Variants in GSK3B observed in about 807,000 individuals in gnomAD.
GSK3B encodes the protein glycogen synthase kinase-3 beta.
A neutral mutation model predicts 56.4 loss-of-function variants in GSK3B; 15 were observed. That is an observed-to-expected ratio of 0.27 (90% confidence interval 0.18 to 0.41). GSK3B has a LOEUF of 0.41. Among genes scored for constraint, GSK3B ranks in the 10% least tolerant of loss-of-function variants. GSK3B has a pLI of 1.00. For synonymous variants in GSK3B, 181 were observed against 188.9 expected, an observed-to-expected ratio of 0.96 and a Z score of 0.34; for missense variants, 300 against 513.4, an observed-to-expected ratio of 0.58 and a Z score of 4.02.
chr3:119,962,023 C>G (rs1209478760), intron 2 of GSK3B, among the ~76,000 whole-genome samples: 1 of 152,142 alleles, frequency 6.6e-6, no homozygotes, highest in African/African-American at 2.4e-5. Context: ...ACATTTTTAA[C>G]TTACAATGAG....
intron 1 of GSK3B, among the ~76,000 whole-genome samples, chr3:120,028,535 T>C (rs2107518556): frequency 6.6e-6 from 1 of 152,320 alleles, no homozygotes; most frequent in African/African-American, 2.4e-5. Flanking sequence ...ATGCCCCTAC[T>C]ACTCTACACA....
intron 1 of GSK3B, among the ~76,000 whole-genome samples, chr3:120,056,011 A>G (rs13080945): frequency 0.011 from 1,720 of 152,264 alleles, 18 homozygotes; most frequent in Non-Finnish European, 0.016. Flanking sequence ...TTTAATTCTC[A>G]TTCTCTCCTG....
intron 1 of GSK3B, among the ~76,000 whole-genome samples, chr3:120,089,054 C>T (rs1410973929): frequency 5.9e-5 from 9 of 152,238 alleles, no homozygotes. Context: ...AAAATATTAT[C>T]TCACACCTGC....
chr3:120,060,878 G>A (rs971264087), intron 1 of GSK3B, among the ~76,000 whole-genome samples: 5 of 152,202 alleles, frequency 3.3e-5, no homozygotes, highest in Non-Finnish European at 7.3e-5. Context: ...AATGTAGCAA[G>A]TCAGTCAGTC....
rs182514662 is a variant in GSK3B, at chr3:119,828,054, A to G, written c.1196-1199T>C. Reference sequence around the variant, plus strand: ...TATGATTATTACACATTCCATGTCTATATCAAAATATCTCAGGTAACCCAT... The same window carrying G: ...TATGATTATTACACATTCCATGTCTGTATCAAAATATCTCAGGTAACCCAT... On this transcript the variant is annotated intron_variant, in intron 10 of 10. Transcript: ENST00000264235. Among the ~76,000 whole-genome samples the G allele has an allele frequency of 2.6e-5, 4 of 152,312 alleles. No homozygotes were observed. In the East Asian group the frequency reaches 5.8e-4, roughly 22 times the overall value.
intron 8 of GSK3B, among the ~76,000 whole-genome samples, chr3:119,868,747 AAC>A (rs925836077): frequency 6.6e-6 from 1 of 152,224 alleles, no homozygotes; most frequent in African/African-American, 2.4e-5. Flanking sequence ...ATAAATGTAC[AAC>A]ACTCATCCTA....
At chr3:120,083,545 A>G (rs2058439730) in intron 1 of GSK3B, among the ~76,000 whole-genome samples, 1 of 152,238 alleles carries the variant, frequency 6.6e-6, no homozygotes, top group African/African-American at 2.4e-5. Flanking sequence ...TAAAGTCTAA[A>G]AAGATTAAAA....
At position 119,912,721 on chromosome 3, in the gene GSK3B, T is replaced by C; in HGVS notation, c.698A>G (p.Asp233Gly). ...GTACTTACCTATACTAGAGGTATAATCAGTGGCTCCAAAGATCAACTCTGG... is the reference window on the plus strand; with the variant it reads ...GTACTTACCTATACTAGAGGTATAACCAGTGGCTCCAAAGATCAACTCTGG... ...RAPELIFGAT[D>G]YTSSIDVWSA... The change falls in exon 6 of 11, where the codon GAT becomes GGT. Residue 233 changes from aspartate to glycine, a missense_variant. Around this residue, in one of 6 missense-constraint regions of GSK3B, gnomAD observed 39 missense variants for 154.6 expected, o/e 0.25. Transcript: ENST00000264235. 1 of 1,515,382 alleles carries C rather than the reference T, an allele frequency of 6.6e-7. No individual in the cohort carries two copies. Among genetic ancestry groups the C allele is most frequent in the Admixed American group, 1.7e-5 (1 of 59,664 alleles). The allele number at this position is 1,515,382 out of a possible 1,614,324, so 93.9% of individuals were successfully genotyped here. A position where few individuals can be genotyped will look rare whatever the true frequency, so the allele number is the denominator to read the frequency against.
chr3:119,922,157 T>C (rs1185120243), intron 4 of GSK3B, among the ~76,000 whole-genome samples: 1 of 120,598 alleles, frequency 8.3e-6, no homozygotes, highest in East Asian at 2.4e-4. Flanking sequence ...AGGAGGTAGG[T>C]AGGTAAGGAG....
intron 2 of GSK3B, among the ~76,000 whole-genome samples, chr3:119,967,373 G>A (rs1374121089): frequency 6.6e-6 from 1 of 152,092 alleles, no homozygotes; most frequent in Non-Finnish European, 1.5e-5. Flanking sequence ...ACTGCGCCTG[G>A]CCAGCTATCT....
chr3:119,871,878 GATC>G (rs2056254309), intron 8 of GSK3B, among the ~76,000 whole-genome samples: 1 of 152,158 alleles, frequency 6.6e-6, no homozygotes, highest in Non-Finnish European at 1.5e-5. Flanking sequence ...ACTGTTAAGA[GATC>G]AGCAGGCCTT....
At chr3:119,859,276 G>T (rs2056067603) in intron 9 of GSK3B, among the ~76,000 whole-genome samples, 1 of 151,880 alleles carries the variant, frequency 6.6e-6, no homozygotes, top group Non-Finnish European at 1.5e-5. Context: ...TCAGGTAGTT[G>T]TAATACTATA....
In GSK3B at chr3:119,860,872, G is replaced by C. The variant is rs545914486; in HGVS notation, c.1096+2547C>G. Among the ~76,000 whole-genome samples the C allele has an allele frequency of 3.3e-5, 5 of 152,300 alleles. No homozygotes were observed. In the East Asian group the frequency reaches 9.6e-4, roughly 29 times the overall value. Reference sequence around the variant, plus strand: ...TACTTTATTTTATTTGGGGGAAGTAGTGCTGCAGATGTCACTGACAATTTG... The same window carrying C: ...TACTTTATTTTATTTGGGGGAAGTACTGCTGCAGATGTCACTGACAATTTG... On this transcript the variant is annotated intron_variant, in intron 9 of 10. Transcript: ENST00000264235.
chr3:120,058,358 T>G (rs2058208283), intron 1 of GSK3B, among the ~76,000 whole-genome samples: 1 of 152,190 alleles, frequency 6.6e-6, no homozygotes, highest in Non-Finnish European at 1.5e-5. Flanking sequence ...AACTAAGTAT[T>G]CAAAATCTGT....
chr3:119,876,565 CATGTTT>C, intron 7 of GSK3B, 57 bp from the exon 8 acceptor site: 2 of 970,110 alleles, frequency 2.1e-6, no homozygotes, highest in Non-Finnish European at 3.3e-6. Flanking sequence ...ATTTAGTCTC[CATGTTT>C]TCAGGCATTG....
chr3:119,822,285 G>A lies in GSK3B; in HGVS notation c.*4503C>T, dbSNP rs2055422405. ...TATATATAATAAATTTTGTTTTTTA[G>A]GTTTGTTTTTAAGATGGAAGTGGTC... is the stretch of plus-strand genomic sequence containing the variant. On this transcript the variant is annotated 3_prime_UTR_variant, in exon 11 of 11. Transcript: ENST00000264235. The A allele has an allele frequency of 5.6e-6, 1 of 178,198 alleles. No individual in the cohort carries two copies. The highest frequency in any genetic ancestry group is 1.2e-5 in the Non-Finnish European group (1 of 85,320). The allele number at this position is 178,198 out of a possible 1,614,324, so 11.0% of individuals were successfully genotyped here. A position where few individuals can be genotyped will look rare whatever the true frequency, so the allele number is the denominator to read the frequency against.
chr3:119,973,915 G>T (rs895647666), intron 2 of GSK3B, among the ~76,000 whole-genome samples: 43 of 152,106 alleles, frequency 2.8e-4, no homozygotes, highest in African/African-American at 9.7e-4. Context: ...CACAATTAAA[G>T]AAATGAATCT....
intron 1 of GSK3B, among the ~76,000 whole-genome samples, chr3:120,024,331 C>T (rs916226660): frequency 2.0e-5 from 3 of 152,062 alleles, no homozygotes; most frequent in Non-Finnish European, 4.4e-5. Flanking sequence ...CCAGCCTGGG[C>T]AACACAGCAA....
At chr3:119,855,528 A>G (rs150797437) in intron 9 of GSK3B, among the ~76,000 whole-genome samples, 155 of 152,356 alleles carry the variant, frequency 1.0e-3, no homozygotes, top group African/African-American at 3.6e-3. Context: ...ACACATGCAC[A>G]TGTAAGTTTA....
Sources: gnomAD v4.1 joint callset for allele counts (sites outside exome capture counted in the v4.1 genomes callset) on GRCh38, gnomAD v4.1.1 for gene constraint, gnomAD v4.1.1 regional missense constraint, MANE v1.5 for transcripts, NCBI Gene and HGNC (gene_info 2026-07-23, HGNC 2026-07-21) for gene names.